Variants in TEF observed in about 807,000 individuals in gnomAD.
TEF encodes the protein TEF transcription factor, PAR bZIP family member.
A neutral mutation model predicts 20.8 loss-of-function variants in TEF; 3 were observed. The ratio of observed to expected loss-of-function variants is 0.14; its 90% CI spans 0.07 to 0.37. TEF has a LOEUF of 0.37. Among genes scored for constraint, TEF ranks in the 10% least tolerant of loss-of-function variants. The pLI is 1.00. For synonymous variants in TEF, 180 were observed against 171.1 expected (o/e 1.05, Z -0.41); for missense variants, 296 against 397.9 (o/e 0.74, Z 2.18).
At chr22:41,387,747 T>C in intron 2 of TEF, 79 bp downstream of exon 2, 1 of 1,417,758 alleles carries the variant, frequency 7.1e-7, no homozygotes, top group East Asian at 2.5e-5. Context: ...CTTGTGTCCA[T>C]GTACCCAGTG....
upstream of TEF, among the ~76,000 whole-genome samples, chr22:41,378,934 C>G (rs576445429): frequency 2.6e-5 from 4 of 152,354 alleles, no homozygotes; most frequent in Non-Finnish European, 5.9e-5. Context: ...GTGACACAGG[C>G]ACCACACTAA....
At chr22:41,384,706 C>G (rs1377460132) in intron 1 of TEF, among the ~76,000 whole-genome samples, 1 of 152,132 alleles carries the variant, frequency 6.6e-6, no homozygotes, top group Non-Finnish European at 1.5e-5. Flanking sequence ...TTTCAGTGAG[C>G]CCACAGTAAC....
At chr22:41,384,228 C>T (rs560378396) in intron 1 of TEF, among the ~76,000 whole-genome samples, 1 of 152,270 alleles carries the variant, frequency 6.6e-6, no homozygotes, top group African/African-American at 2.4e-5. Context: ...TTTTGAAAAC[C>T]CATCATGAGC....
intron 2 of TEF, among the ~76,000 whole-genome samples, chr22:41,391,872 C>T (rs562540434): frequency 1.3e-5 from 2 of 152,272 alleles, no homozygotes; most frequent in African/African-American, 2.4e-5. Context: ...CCACACGCCT[C>T]GGCCTCCCAG....
At chr22:41,382,271 G>A in intron 1 of TEF, 70 bp downstream of exon 1, 1 of 1,140,610 alleles carries the variant, frequency 8.8e-7, no homozygotes, top group Non-Finnish European at 1.1e-6. Context: ...TCGTGAGGGC[G>A]GGGCCGGGGA....
In TEF at chr22:41,396,350, G is replaced by C; in HGVS notation, c.*390G>C. 5.0e-6 allele frequency: 1 copy of C among 201,818 alleles called. No individual in the cohort carries two copies. The highest frequency in any genetic ancestry group is 2.1e-3 in the Middle Eastern group (1 of 486). The allele number at this position is 201,818 out of a possible 1,614,324, so 12.5% of individuals were successfully genotyped here. A position where few individuals can be genotyped will look rare whatever the true frequency, so the allele number is the denominator to read the frequency against. On this transcript the variant is annotated 3_prime_UTR_variant, in exon 4 of 4. Coordinates refer to ENST00000266304, the MANE Select transcript of TEF (RefSeq NM_003216.4). Reference sequence around the variant, plus strand: ...GGGCTATCTCTGCAGAATGAGTTGTGATCATTGTCACCCTATGTCTTCTCA... The same window carrying C: ...GGGCTATCTCTGCAGAATGAGTTGTCATCATTGTCACCCTATGTCTTCTCA...
chr22:41,390,797 T>A (rs1441705501), intron 2 of TEF, among the ~76,000 whole-genome samples: 1 of 152,132 alleles, frequency 6.6e-6, no homozygotes, highest in African/African-American at 2.4e-5. Flanking sequence ...TCAGCCCTCA[T>A]TGTCATTTTC....
intron 1 of TEF, chr22:41,369,924 C>T: frequency 1.0e-6 from 1 of 985,392 alleles, no homozygotes; most frequent in South Asian, 4.7e-5. Flanking sequence ...ACAAACTCCC[C>T]ATTTTCTCTT....
upstream of TEF, among the ~76,000 whole-genome samples, chr22:41,381,579 G>C (rs888419007): frequency 2.6e-5 from 4 of 152,234 alleles, no homozygotes; most frequent in Admixed American, 1.3e-4. Context: ...GGGAGAGGCT[G>C]CGGTGGTTGG....
chr22:41,369,393 G>C (rs926176543), intron 1 of TEF, among the ~76,000 whole-genome samples: 2 of 152,244 alleles, frequency 1.3e-5, no homozygotes, highest in Non-Finnish European at 2.9e-5. Context: ...GCAGGTCCAA[G>C]GGGTGTGGGC....
intron 1 of TEF, among the ~76,000 whole-genome samples, chr22:41,384,018 T>G (rs2037065832): frequency 6.6e-6 from 1 of 152,198 alleles, no homozygotes; most frequent in Admixed American, 6.5e-5. Flanking sequence ...GAATTCAGAT[T>G]AATTTGTATT....
In TEF at chr22:41,395,762, A is replaced by G. The variant is rs758346074; in HGVS notation, c.714A>G (p.Thr238=). Residue 238 remains threonine (T), a synonymous_variant, in exon 4 of 4, where the codon ACA becomes ACG. Coordinates refer to ENST00000266304, the MANE Select transcript of TEF (RefSeq NM_003216.4). ...CCCCACAGGATGAAAAGTACTGGACAAGACGCAAGAAGAACAACGTGGCAG... is the reference window on the plus strand; with the variant it reads ...CCCCACAGGATGAAAAGTACTGGACGAGACGCAAGAAGAACAACGTGGCAG... The part of the protein sequence containing the change: ...PDEQKDEKYW[T]RRKKNNVAAK... 4 of 1,613,990 alleles carry G rather than the reference A, an allele frequency of 2.5e-6. No individual in the cohort carries two copies. Among genetic ancestry groups the G allele is most frequent in the African/African-American group, 1.3e-5 (1 of 74,918 alleles).
Position 41,396,097 on chromosome 22 carries a change from C to A in TEF, c.*137C>A. The A allele has an allele frequency of 3.3e-6, 3 of 920,758 alleles. No individual in the cohort carries two copies. Among genetic ancestry groups the A allele is most frequent in the Non-Finnish European group, 4.8e-6 (3 of 618,832 alleles). 57.0% of individuals were successfully genotyped at this position (920,758 alleles called of 1,614,324 possible). On this transcript the variant is annotated 3_prime_UTR_variant, in exon 4 of 4. Coordinates refer to ENST00000266304, the MANE Select transcript of TEF (RefSeq NM_003216.4). The stretch of plus-strand genomic sequence containing the variant: ...GGCGCACCTGCTGCAGGAGCGGCCA[C>A]GTCTCAGCTTCATTATACCATGGCC...
chr22:41,381,983 C>T lies in TEF; in HGVS notation c.-62C>T, dbSNP rs567485209. The T allele has an allele frequency of 2.5e-5, 31 of 1,228,328 alleles. No homozygotes were observed. The East Asian group carries it at 5.7e-4, about 23-fold the overall frequency. 76.1% of individuals were successfully genotyped at this position (1,228,328 alleles called of 1,614,324 possible). ...TCGGCAGCTGCAGCGGGTCGCACGG[C>T]TCCGGCCCATCTCGGGGGGCGGGCG... On this transcript the variant is annotated 5_prime_UTR_variant, in exon 1 of 4. Coordinates refer to ENST00000266304, the MANE Select transcript of TEF (RefSeq NM_003216.4).
intron 1 of TEF, among the ~76,000 whole-genome samples, chr22:41,368,069 G>T (rs2036841681): frequency 2.0e-5 from 3 of 152,126 alleles, no homozygotes; most frequent in Non-Finnish European, 4.4e-5. Flanking sequence ...TCATGGATGG[G>T]ATGGAAACTG....
upstream of TEF, among the ~76,000 whole-genome samples, chr22:41,381,179 G>A (rs941774478): frequency 6.6e-6 from 1 of 152,248 alleles, no homozygotes; most frequent in Non-Finnish European, 1.5e-5. Flanking sequence ...GCAGGTCGCG[G>A]TCCCCGGCCC....
At chr22:41,381,915 G>A, upstream of TEF, 1 of 1,226,396 alleles carries the variant, frequency 8.2e-7, no homozygotes, top group Non-Finnish European at 1.0e-6. Flanking sequence ...GCGATGGAAG[G>A]AGGCGGGGGC....
At chr22:41,370,321 GC>G (rs1701968874) in intron 1 of TEF, among the ~76,000 whole-genome samples, 2 of 150,130 alleles carry the variant, frequency 1.3e-5, no homozygotes, top group African/African-American at 2.5e-5. Context: ...CACCATGTTG[GC>G]CAAGATGGTC....
At chr22:41,386,093 G>A (rs1376031600) in intron 1 of TEF, among the ~76,000 whole-genome samples, 2 of 152,144 alleles carry the variant, frequency 1.3e-5, no homozygotes, top group African/African-American at 4.8e-5. Flanking sequence ...TCAAAGTACT[G>A]GGATTGCAAT....
Sources: gnomAD v4.1 joint callset for allele counts (sites outside exome capture counted in the v4.1 genomes callset) on GRCh38, gnomAD v4.1.1 for gene constraint, MANE v1.5 for transcripts, NCBI Gene and HGNC (gene_info 2026-07-23, HGNC 2026-07-21) for gene names.